Variants in FOXN2 observed in about 807,000 individuals in gnomAD.
FOXN2 encodes the protein forkhead box protein N2.
Under a neutral mutation model 41.2 loss-of-function variants are expected in FOXN2, and 19 were observed. That is an observed-to-expected ratio of 0.46 (90% CI 0.32 to 0.68). The LOEUF (loss-of-function observed/expected upper bound fraction) is 0.68. Ranked by LOEUF, FOXN2 falls within the 30% of genes least tolerant of loss-of-function variation. The pLI is 0.03. For synonymous variants in FOXN2, 195 were observed against 176.8 expected (o/e 1.10, Z -0.82); for missense variants, 587 against 509.4 (o/e 1.15, Z -1.47).
Position 48,375,417 on chromosome 2 carries a change from C to A in FOXN2, c.1270C>A (p.Gln424Lys), listed in dbSNP as rs761423435. 1.2e-6 allele frequency: 2 copies of A among 1,606,866 alleles called. No individual in the cohort carries two copies. Among genetic ancestry groups the A allele is most frequent in the Non-Finnish European group, 1.7e-6 (2 of 1,176,148 alleles). The change falls in exon 7 of 7, where the codon CAA becomes AAA. Residue 424 changes from glutamine to lysine, a missense_variant. By Grantham distance (53) the Gln-to-Lys change is moderately conservative. Coordinates refer to ENST00000340553, the MANE Select transcript of FOXN2 (RefSeq NM_002158.4). Reference sequence around the variant, plus strand: ...TTCCCTAATAAGTACTGCAAAGACACAAAATCAAAAGCAACGGAAAAAATA... The same window carrying A: ...TTCCCTAATAAGTACTGCAAAGACAAAAAATCAAAAGCAACGGAAAAAATA... ...LGSLISTAKTQNQKQRKK is the reference protein window; with the variant it reads ...LGSLISTAKTKNQKQRKK
At position 48,378,686 on chromosome 2, in the gene FOXN2, G is replaced by GTATTTTTTT. The variant is rs932324221; in HGVS notation, c.*3245_*3253dup. 2.8e-5 allele frequency: 4 copies of GTATTTTTTT among 144,378 alleles called. No individual in the cohort carries two copies. The highest frequency in any genetic ancestry group is 1.0e-4 in the African/African-American group (4 of 39,328). The allele number at this position is 144,378 out of a possible 1,614,324, so 8.9% of individuals were successfully genotyped here. A position where few individuals can be genotyped will look rare whatever the true frequency, so the allele number is the denominator to read the frequency against. On this transcript the variant is annotated 3_prime_UTR_variant, in exon 7 of 7. Transcript: ENST00000340553. ...ACATATATCTTACAGGTGTTTTTTT[G>GTATTTTTTT]TATTTTTTTTTTTTTTTAGTTTGAA... is the stretch of plus-strand genomic sequence containing the variant.
chr2:48,330,794 G>A (rs1669974537), intron 2 of FOXN2, among the ~76,000 whole-genome samples: 1 of 152,052 alleles, frequency 6.6e-6, no homozygotes, highest in Non-Finnish European at 1.5e-5. Flanking sequence ...ATTCTTACAT[G>A]CTTCAGGATT....
chr2:48,345,402 A>G (rs986792472), intron 2 of FOXN2, among the ~76,000 whole-genome samples: 12 of 152,200 alleles, frequency 7.9e-5, no homozygotes, highest in East Asian at 3.9e-4. Context: ...TGGTTACACA[A>G]GAGGAGTAAG....
chr2:48,344,058 T>G (rs1670939452), intron 2 of FOXN2, among the ~76,000 whole-genome samples: 1 of 152,190 alleles, frequency 6.6e-6, no homozygotes, highest in African/African-American at 2.4e-5. Context: ...AGTGGTTTTT[T>G]GTTTGTTTTT....
intron 1 of FOXN2, among the ~76,000 whole-genome samples, chr2:48,321,350 C>T (rs577887403): frequency 4.3e-4 from 66 of 152,088 alleles, no homozygotes; most frequent in African/African-American, 1.5e-3. Context: ...CTGGCTAACA[C>T]GGTGAAACCC....
chr2:48,377,862 A>G lies in FOXN2; in HGVS notation c.*2419A>G, dbSNP rs923176871. 1 of 152,026 alleles carries G rather than the reference A, an allele frequency of 6.6e-6. No individual in the cohort carries two copies. The allele number at this position is 152,026 out of a possible 1,614,324, so 9.4% of individuals were successfully genotyped here. A position where few individuals can be genotyped will look rare whatever the true frequency, so the allele number is the denominator to read the frequency against. On this transcript the variant is annotated 3_prime_UTR_variant, in exon 7 of 7. Transcript: ENST00000340553. ...CACTGAGAGTATGCTCTCATTCCTCAGGTGTTTTGAGAAACATGACTAATA... is the reference window on the plus strand; with the variant it reads ...CACTGAGAGTATGCTCTCATTCCTCGGGTGTTTTGAGAAACATGACTAATA...
intron 1 of FOXN2, among the ~76,000 whole-genome samples, chr2:48,322,926 C>G (rs1669431797): frequency 6.7e-6 from 1 of 148,626 alleles, no homozygotes; most frequent in African/African-American, 2.5e-5. Flanking sequence ...TTAGTTGTAA[C>G]TTTGTGTGGG....
chr2:48,343,920 A>G lies in FOXN2; in HGVS notation c.-14-2281A>G, dbSNP rs776953840. 2.0e-5 allele frequency among the ~76,000 whole-genome samples: 3 copies of G among 152,178 alleles called. No homozygotes were observed. The East Asian group carries it at 5.8e-4, about 29-fold the overall frequency. On this transcript the variant is annotated intron_variant, in intron 2 of 6. Coordinates refer to ENST00000340553, the MANE Select transcript of FOXN2 (RefSeq NM_002158.4). ...AGTAAAATCTCAGCAAATGTTAGCC[A>G]CTGCTGTTTGGTACTTTCTAATTTC...
At chr2:48,342,115 A>T (rs1303948578) in intron 2 of FOXN2, among the ~76,000 whole-genome samples, 1 of 152,210 alleles carries the variant, frequency 6.6e-6, no homozygotes, top group Non-Finnish European at 1.5e-5. Flanking sequence ...TTAAAGAAAA[A>T]TTGGGAAATA....
chr2:48,349,993 T>C (rs912629072), intron 3 of FOXN2, among the ~76,000 whole-genome samples: 9 of 152,244 alleles, frequency 5.9e-5, no homozygotes, highest in Non-Finnish European at 1.5e-5. Flanking sequence ...CTAGGTCTTT[T>C]TCCACTGGCC....
At chr2:48,369,896 A>C (rs577539086) in intron 5 of FOXN2, among the ~76,000 whole-genome samples, 2 of 152,168 alleles carry the variant, frequency 1.3e-5, no homozygotes, top group South Asian at 4.2e-4. Flanking sequence ...GCTACTTGGG[A>C]AGCTAAGGTT....
chr2:48,332,043 C>G (rs1326873529), intron 2 of FOXN2, among the ~76,000 whole-genome samples: 2 of 152,066 alleles, frequency 1.3e-5, no homozygotes, highest in Admixed American at 1.3e-4. Flanking sequence ...AGTATTTTAA[C>G]TTAAGAATTC....
At chr2:48,361,001 G>A (rs1174818341) in intron 4 of FOXN2, among the ~76,000 whole-genome samples, 1 of 137,268 alleles carries the variant, frequency 7.3e-6, no homozygotes, top group Non-Finnish European at 1.6e-5. Context: ...GTGACAGACT[G>A]AGACCCCATC....
chr2:48,375,910 A>T lies in FOXN2; in HGVS notation c.*467A>T, dbSNP rs1558645905. Reference sequence around the variant, plus strand: ...CGCAATCCGGTAACATAAGATTGAAATTTTTTTACTTTGTCTTAATTTGTT... The same window carrying T: ...CGCAATCCGGTAACATAAGATTGAATTTTTTTTACTTTGTCTTAATTTGTT... On this transcript the variant is annotated 3_prime_UTR_variant, in exon 7 of 7. Transcript: ENST00000340553. The T allele has an allele frequency of 6.5e-6, 1 of 152,700 alleles. No individual in the cohort carries two copies. Among genetic ancestry groups the T allele is most frequent in the African/African-American group, 2.4e-5 (1 of 41,410 alleles). 9.5% of individuals were successfully genotyped at this position (152,700 alleles called of 1,614,324 possible). A position where few individuals can be genotyped will look rare whatever the true frequency, so the allele number is the denominator to read the frequency against.
At chr2:48,345,923 CTAAG>C (rs1225006037) in intron 2 of FOXN2, among the ~76,000 whole-genome samples, 1 of 152,096 alleles carries the variant, frequency 6.6e-6, no homozygotes, top group African/African-American at 2.4e-5. Context: ...AGGTACTTTA[CTAAG>C]TATTTAAAAT....
intron 1 of FOXN2, among the ~76,000 whole-genome samples, chr2:48,325,746 G>A (rs1669620746): frequency 6.6e-6 from 1 of 151,912 alleles, no homozygotes; most frequent in East Asian, 1.9e-4. Context: ...ACCATCTCAG[G>A]TGTGACAAAT....
In FOXN2 at chr2:48,362,688, C is replaced by T. The variant is rs770297843; in HGVS notation, c.684C>T (p.Asn228=). The T allele has an allele frequency of 5.0e-6, 8 of 1,613,896 alleles. No individual in the cohort carries two copies. Among genetic ancestry groups the T allele is most frequent in the Non-Finnish European group, 6.8e-6 (8 of 1,179,854 alleles). ...PHYLSSVIKQ[N]QVRNLKESDI... is the part of the protein sequence containing the mutation. ...ATTTAAGCTCTGTAATCAAGCAGAA[C>T]CAGGTGCGAAACCTCAAAGGTATGT... The change falls in exon 5 of 7, where the codon AAC becomes AAT. Residue 228 remains asparagine, a synonymous_variant. Coordinates refer to ENST00000340553, the MANE Select transcript of FOXN2 (RefSeq NM_002158.4).
At chr2:48,349,398 G>T (rs1572741094) in intron 3 of FOXN2, among the ~76,000 whole-genome samples, 1 of 152,138 alleles carries the variant, frequency 6.6e-6, no homozygotes, top group East Asian at 1.9e-4. Flanking sequence ...TAGGAGGATT[G>T]TTTGAACCCT....
chr2:48,328,954 G>GT (rs1057323906), intron 2 of FOXN2, among the ~76,000 whole-genome samples: 4 of 151,176 alleles, frequency 2.6e-5, no homozygotes, highest in South Asian at 2.1e-4. Flanking sequence ...TTAGTCACCA[G>GT]TTTTTTTTTA....
Sources: gnomAD v4.1 joint callset for allele counts (sites outside exome capture counted in the v4.1 genomes callset) on GRCh38, gnomAD v4.1.1 for gene constraint, MANE v1.5 for transcripts, NCBI Gene and HGNC (gene_info 2026-07-23, HGNC 2026-07-21) for gene names.